BLNK: variants seen among roughly 807,000 people sequenced by gnomAD.
BLNK encodes the protein B cell linker.
In BLNK, 29 loss-of-function variants were observed where a neutral mutation model predicts 73.5. The ratio of observed to expected loss-of-function variants is 0.39; its 90% CI spans 0.29 to 0.54. The LOEUF (loss-of-function observed/expected upper bound fraction) is 0.54, where lower values mean the gene tolerates loss of function less well. Ranked by LOEUF, BLNK falls within the 20% of genes least tolerant of loss-of-function variation. BLNK has a pLI of 0.61. For missense variants in BLNK, 460 were observed against 562.8 expected, an observed-to-expected ratio of 0.82 and a Z score of 1.85; for synonymous variants, 176 against 200.8, an observed-to-expected ratio of 0.88 and a Z score of 1.04.
chr10:96,219,843 C>T (rs375821435), intron 6 of BLNK, among the ~76,000 whole-genome samples: 5 of 152,230 alleles, frequency 3.3e-5, no homozygotes, highest in African/African-American at 1.2e-4. Context: ...AATCAAGCTG[C>T]TGATATAGAC....
At chr10:96,248,907 G>A (rs1843163971) in intron 1 of BLNK, among the ~76,000 whole-genome samples, 1 of 152,220 alleles carries the variant, frequency 6.6e-6, no homozygotes, top group African/African-American at 2.4e-5. Context: ...TATAGCATGT[G>A]TAGATATCAT....
intron 6 of BLNK, 123 bp downstream of exon 6, chr10:96,223,703 A>G: frequency 8.6e-7 from 1 of 1,166,536 alleles, no homozygotes; most frequent in Middle Eastern, 2.9e-4. Flanking sequence ...AATAGTGGAG[A>G]GTTAGAGGGG....
intron 3 of BLNK, among the ~76,000 whole-genome samples, chr10:96,235,736 G>A (rs1254517867): frequency 6.6e-6 from 1 of 152,288 alleles, no homozygotes; most frequent in African/African-American, 2.4e-5. Flanking sequence ...CAGGATTTGG[G>A]TGAGAGAATA....
chr10:96,269,527 G>T (rs916835805), intron 1 of BLNK, among the ~76,000 whole-genome samples: 2 of 151,540 alleles, frequency 1.3e-5, no homozygotes, highest in Non-Finnish European at 2.9e-5. Context: ...CCTTCTCACT[G>T]CCATGTCCCA....
chr10:96,212,813 G>T (rs142220431), intron 8 of BLNK, among the ~76,000 whole-genome samples: 17 of 152,292 alleles, frequency 1.1e-4, no homozygotes, highest in African/African-American at 4.1e-4. Flanking sequence ...AAAGACACAG[G>T]CTAGTAGTCT....
chr10:96,233,374 T>A (rs1554904444), intron 3 of BLNK, among the ~76,000 whole-genome samples: 1 of 152,098 alleles, frequency 6.6e-6, no homozygotes, highest in East Asian at 1.9e-4. Flanking sequence ...CATCCTACCG[T>A]TTGTAGTTAT....
At chr10:96,221,330 C>T (rs924049740) in intron 6 of BLNK, among the ~76,000 whole-genome samples, 9 of 152,292 alleles carry the variant, frequency 5.9e-5, no homozygotes, top group Non-Finnish European at 1.3e-4. Context: ...CTCTGTTTAG[C>T]CTGTATCTCT....
chr10:96,204,399 GTAAC>G, intron 12 of BLNK, 129 bp downstream of exon 12: 6 of 1,072,010 alleles, frequency 5.6e-6, no homozygotes, highest in Non-Finnish European at 8.6e-6. Flanking sequence ...CTTTTAACAC[GTAAC>G]TGCAAAACAA....
intron 1 of BLNK, among the ~76,000 whole-genome samples, chr10:96,259,272 G>T (rs1377952892): frequency 6.6e-6 from 1 of 152,212 alleles, no homozygotes. Flanking sequence ...GGTCCCCAAG[G>T]TTAGACATTT....
rs1250290566 is a variant in BLNK, at chr10:96,236,757, T to C, written c.164-5923A>G. Among the ~76,000 whole-genome samples the C allele has an allele frequency of 2.6e-5, 4 of 152,054 alleles. 1 individual carries two copies. Among genetic ancestry groups the C allele is most frequent in the Non-Finnish European group, 5.9e-5 (4 of 68,002 alleles). On this transcript the variant is annotated intron_variant, in intron 3 of 16. Coordinates refer to ENST00000224337, the MANE Select transcript of BLNK (RefSeq NM_013314.4). ...AGGAGGATCACTTGAGCCCAGGAGGTTGAGGCTGCAGTGAGCCATGATTGT... is the reference window on the plus strand; with the variant it reads ...AGGAGGATCACTTGAGCCCAGGAGGCTGAGGCTGCAGTGAGCCATGATTGT...
chr10:96,203,327 A>G (rs2083701147), intron 13 of BLNK, among the ~76,000 whole-genome samples: 1 of 152,192 alleles, frequency 6.6e-6, no homozygotes, highest in Non-Finnish European at 1.5e-5. Context: ...TTTATTTAAG[A>G]TGAATATTAT....
chr10:96,266,081 A>G (rs1396959835), intron 1 of BLNK, among the ~76,000 whole-genome samples: 1 of 152,254 alleles, frequency 6.6e-6, no homozygotes, highest in Non-Finnish European at 1.5e-5. Flanking sequence ...AGAACAAGCT[A>G]TCCTTTAATT....
intron 13 of BLNK, among the ~76,000 whole-genome samples, chr10:96,203,014 A>G (rs1376054375): frequency 6.6e-6 from 1 of 152,108 alleles, no homozygotes; most frequent in Non-Finnish European, 1.5e-5. Flanking sequence ...TCTTTATAGC[A>G]CTTCAGCATT....
intron 3 of BLNK, chr10:96,238,867 G>A: frequency 2.9e-6 from 1 of 345,988 alleles, no homozygotes; most frequent in Non-Finnish European, 5.2e-6. Context: ...TTCAGTTCAG[G>A]AAAGGCAATA....
At chr10:96,196,172 G>T (rs2083460055) in intron 16 of BLNK, among the ~76,000 whole-genome samples, 2 of 152,238 alleles carry the variant, frequency 1.3e-5, no homozygotes, top group Non-Finnish European at 1.5e-5. Flanking sequence ...TGCATAGATT[G>T]TTCTTCCCAT....
intron 2 of BLNK, among the ~76,000 whole-genome samples, chr10:96,244,903 G>A (rs1251644012): frequency 6.6e-6 from 1 of 151,654 alleles, no homozygotes; most frequent in Non-Finnish European, 1.5e-5. Context: ...TGGCAACTGG[G>A]GGCCATGGAA....
chr10:96,247,835 C>T (rs375403647), intron 1 of BLNK, among the ~76,000 whole-genome samples: 11 of 152,206 alleles, frequency 7.2e-5, no homozygotes, highest in African/African-American at 2.4e-4. Flanking sequence ...TCGTGGGCCA[C>T]TCCTTCATTT....
rs374020980 is a variant in BLNK, at chr10:96,229,734, T to C, written c.204+1060A>G. Reference sequence around the variant, plus strand: ...CAGCCAGCAGGGGGCGCAGCTGCAGTGCATCTCAGGGAGCTGCGGCTGCTG... The same window carrying C: ...CAGCCAGCAGGGGGCGCAGCTGCAGCGCATCTCAGGGAGCTGCGGCTGCTG... On this transcript the variant is annotated intron_variant, in intron 4 of 16. Coordinates refer to ENST00000224337, the MANE Select transcript of BLNK (RefSeq NM_013314.4). Among the ~76,000 whole-genome samples, 8 of 151,486 alleles carry C rather than the reference T, an allele frequency of 5.3e-5. No homozygotes were observed. The East Asian group carries it at 1.2e-3, about 22-fold the overall frequency.
At chr10:96,244,527 C>T (rs967951984) in intron 2 of BLNK, among the ~76,000 whole-genome samples, 6 of 152,198 alleles carry the variant, frequency 3.9e-5, no homozygotes, top group African/African-American at 1.4e-4. Flanking sequence ...CTCATGCGGC[C>T]ATAGACCAGT....
Sources: allele counts gnomAD v4.1 joint callset (sites outside exome capture counted in the v4.1 genomes callset), GRCh38; gene constraint gnomAD v4.1.1; transcripts MANE v1.5; gene names NCBI Gene and HGNC (gene_info 2026-07-23, HGNC 2026-07-21).